Variants in SDK1 observed in about 807,000 individuals in gnomAD.
SDK1 encodes the protein protein sidekick-1.
In SDK1, 157 loss-of-function variants were observed where a neutral mutation model predicts 245.5. The observed-to-expected ratio is 0.64, with a 90% confidence interval of 0.56 to 0.73. SDK1 has a LOEUF of 0.73. Among genes scored for constraint, SDK1 ranks in the 30% least tolerant of loss-of-function variants. The pLI is 0.00. For synonymous variants in SDK1, 1,647 were observed against 1,278.5 expected (o/e 1.29, Z -6.15); for missense variants, 3,583 against 3,002.3 (o/e 1.19, Z -4.52).
At chr7:3,534,506 TA>T (rs1466969976) in intron 1 of SDK1, among the ~76,000 whole-genome samples, 1 of 152,174 alleles carries the variant, frequency 6.6e-6, no homozygotes. Flanking sequence ...CTAGAAACAA[TA>T]TATAGCATTC....
At chr7:3,511,613 G>C (rs1162951617) in intron 1 of SDK1, among the ~76,000 whole-genome samples, 2 of 151,868 alleles carry the variant, frequency 1.3e-5, no homozygotes, top group Admixed American at 1.3e-4. Context: ...TAACCCTCTA[G>C]TTCAGTTTTT....
intron 8 of SDK1, among the ~76,000 whole-genome samples, chr7:3,961,718 G>T (rs77225292): frequency 1.3e-5 from 2 of 152,168 alleles, no homozygotes; most frequent in Non-Finnish European, 2.9e-5. Flanking sequence ...TTGATAGGGG[G>T]TGTTAAAAGA....
At chr7:3,756,847 A>G (rs1779946701) in intron 4 of SDK1, among the ~76,000 whole-genome samples, 1 of 152,128 alleles carries the variant, frequency 6.6e-6, no homozygotes, top group African/African-American at 2.4e-5. Context: ...CACAGGGGTA[A>G]AGGACCCTTT....
At chr7:3,345,199 A>G (rs888317981) in intron 1 of SDK1, among the ~76,000 whole-genome samples, 5 of 152,210 alleles carry the variant, frequency 3.3e-5, no homozygotes, top group African/African-American at 1.2e-4. Context: ...ATTTTCAGAT[A>G]ACTTACGGAT....
chr7:4,230,676 G>A (rs896910509), intron 40 of SDK1, among the ~76,000 whole-genome samples: 6 of 151,788 alleles, frequency 4.0e-5, no homozygotes, highest in South Asian at 2.1e-4. Flanking sequence ...GGGAAGGAAG[G>A]AAGAATGGAA....
intron 1 of SDK1, among the ~76,000 whole-genome samples, chr7:3,502,292 C>T (rs1782241715): frequency 6.6e-6 from 1 of 151,980 alleles, no homozygotes; most frequent in African/African-American, 2.4e-5. Flanking sequence ...TCTTGGCCAC[C>T]AGGCTGGAGT....
chr7:3,700,856 AT>A (rs1562380988), intron 4 of SDK1, among the ~76,000 whole-genome samples: 2 of 151,810 alleles, frequency 1.3e-5, no homozygotes, highest in South Asian at 4.2e-4. Flanking sequence ...CCTTATTTCT[AT>A]TTTTTTGGTG....
chr7:3,808,017 G>A (rs750074110), intron 4 of SDK1, among the ~76,000 whole-genome samples: 26 of 152,144 alleles, frequency 1.7e-4, no homozygotes, highest in East Asian at 1.9e-4. Context: ...CATCTGGCCC[G>A]TTGTCAAAGC....
intron 1 of SDK1, among the ~76,000 whole-genome samples, chr7:3,491,304 T>C (rs1230822787): frequency 6.6e-6 from 1 of 152,214 alleles, no homozygotes; most frequent in Non-Finnish European, 1.5e-5. Context: ...CTATGAATAA[T>C]ACTCAGACTT....
At chr7:3,639,454 A>T (rs944488530) in intron 3 of SDK1, among the ~76,000 whole-genome samples, 1 of 152,216 alleles carries the variant, frequency 6.6e-6, no homozygotes, top group African/African-American at 2.4e-5. Flanking sequence ...TATAAAGTTC[A>T]ACCCAATTAG....
At chr7:4,056,866 CAG>C (rs57438738) in intron 19 of SDK1, among the ~76,000 whole-genome samples, 36,537 of 151,876 alleles carry the variant, frequency 0.24, 6,245 homozygotes, top group African/African-American at 0.5. Flanking sequence ...CGGGTCCCGA[CAG>C]ACCATTCCGC....
chr7:3,834,820 A>G (rs1273380238), intron 5 of SDK1, among the ~76,000 whole-genome samples: 1 of 152,150 alleles, frequency 6.6e-6, no homozygotes, highest in Non-Finnish European at 1.5e-5. Flanking sequence ...TTGTCCAGTG[A>G]GTGCATGGAA....
At chr7:3,972,916 A>AC (rs1361077958) in intron 12 of SDK1, among the ~76,000 whole-genome samples, 4 of 151,908 alleles carry the variant, frequency 2.6e-5, no homozygotes, top group Admixed American at 1.3e-4. Flanking sequence ...ACGACCTAGG[A>AC]CCCCCCTGGG....
intron 4 of SDK1, among the ~76,000 whole-genome samples, chr7:3,704,234 T>TA (rs1784823624): frequency 6.6e-6 from 1 of 152,214 alleles, no homozygotes; most frequent in South Asian, 2.1e-4. Flanking sequence ...TTCTTTTTTT[T>TA]ATGGATGAGT....
intron 14 of SDK1, among the ~76,000 whole-genome samples, chr7:3,995,994 C>A (rs1018719982): frequency 3.9e-5 from 6 of 152,032 alleles, no homozygotes; most frequent in Non-Finnish European, 8.8e-5. Context: ...CACTCTCAAG[C>A]CTAAAATGAG....
At chr7:4,160,561 C>G (rs1205089341) in intron 31 of SDK1, among the ~76,000 whole-genome samples, 1 of 152,344 alleles carries the variant, frequency 6.6e-6, no homozygotes, top group East Asian at 1.9e-4. Flanking sequence ...GGCACAGACT[C>G]TCTCCAGGGG....
chr7:3,315,805 G>C (rs1779650567), intron 1 of SDK1, among the ~76,000 whole-genome samples: 1 of 152,294 alleles, frequency 6.6e-6, no homozygotes, highest in East Asian at 1.9e-4. Context: ...GACTGAGAGT[G>C]CATTAATGGG....
At chr7:4,047,151 C>T (rs1218345419) in intron 17 of SDK1, among the ~76,000 whole-genome samples, 3 of 152,132 alleles carry the variant, frequency 2.0e-5, no homozygotes, top group Non-Finnish European at 2.9e-5. Flanking sequence ...TAGAATGTTC[C>T]TTTAAATTCC....
At chr7:3,330,340 T>C (rs1780037342) in intron 1 of SDK1, among the ~76,000 whole-genome samples, 1 of 152,198 alleles carries the variant, frequency 6.6e-6, no homozygotes, top group Admixed American at 6.5e-5. Context: ...CTTATTTTCC[T>C]TTTTTAAAAT....
Sources: allele counts gnomAD v4.1 joint callset (sites outside exome capture counted in the v4.1 genomes callset), GRCh38; gene constraint gnomAD v4.1.1; transcripts MANE v1.5; gene names NCBI Gene and HGNC (gene_info 2026-07-23, HGNC 2026-07-21).